Variants in RAB5A observed in about 807,000 individuals in gnomAD.
RAB5A encodes RAB5A, member RAS oncogene family.
RAB5A carries 8 observed loss-of-function variants against 25.7 expected under a neutral mutation model. The observed-to-expected ratio is 0.31, with a 90% CI of 0.18 to 0.56. The LOEUF is 0.56. Among genes scored for constraint, RAB5A ranks in the 20% least tolerant of loss-of-function variants. The pLI is 0.91. For missense variants in RAB5A, 192 were observed against 259.7 expected (o/e 0.74, Z 1.79); for synonymous variants, 98 against 89.8 (o/e 1.09, Z -0.52).
At chr3:19,965,934 C>A (rs1431277443) in intron 2 of RAB5A, among the ~76,000 whole-genome samples, 8 of 151,990 alleles carry the variant, frequency 5.3e-5, no homozygotes. Context: ...CTCCATGTTG[C>A]CCGGGCTGGT....
At chr3:19,974,583 A>G (rs892396070) in intron 2 of RAB5A, among the ~76,000 whole-genome samples, 1 of 152,184 alleles carries the variant, frequency 6.6e-6, no homozygotes, top group Non-Finnish European at 1.5e-5. Context: ...GGTTAAGGTA[A>G]TAATGACTAC....
At chr3:19,954,371 T>G (rs558032453) in intron 2 of RAB5A, among the ~76,000 whole-genome samples, 1 of 152,350 alleles carries the variant, frequency 6.6e-6, no homozygotes, top group African/African-American at 2.4e-5. Flanking sequence ...GTTATTGTTC[T>G]GAAGCACTCA....
At chr3:19,976,323 G>C (rs946596720) in intron 4 of RAB5A, among the ~76,000 whole-genome samples, 154 bp downstream of exon 4, 3 of 152,140 alleles carry the variant, frequency 2.0e-5, no homozygotes, top group African/African-American at 7.2e-5. Flanking sequence ...ATAATAAAAT[G>C]TTTCTGATAA....
rs146345144 is a variant in RAB5A at position 19,975,716 on chromosome 3, A to T, written c.279A>T (p.Ala93=). Residue 93 remains alanine (A), a synonymous_variant, in exon 3 of 6, where the codon GCA becomes GCT. Coordinates refer to ENST00000273047, the MANE Select transcript of RAB5A (RefSeq NM_004162.5). ...TAGCACCAATGTACTACAGAGGAGC[A>T]CAAGCAGCCATAGTTGTATATGATA... The part of the protein sequence containing the change: ...HSLAPMYYRG[A]QAAIVVYDIT... 5 of 1,613,750 alleles carry T rather than the reference A, an allele frequency of 3.1e-6. No individual in the cohort carries two copies. The South Asian group carries it at 5.5e-5, about 18-fold the overall frequency.
chr3:19,969,604 C>T (rs1288756802), intron 2 of RAB5A, among the ~76,000 whole-genome samples: 4 of 152,090 alleles, frequency 2.6e-5, no homozygotes, highest in Non-Finnish European at 1.5e-5. Context: ...GTTTTGCAAA[C>T]CTGAAGTTTC....
At chr3:19,971,787 A>G (rs545961836) in intron 2 of RAB5A, among the ~76,000 whole-genome samples, 5 of 152,216 alleles carry the variant, frequency 3.3e-5, no homozygotes, top group Admixed American at 1.3e-4. Flanking sequence ...GTACAGTGTT[A>G]TCAGGTGAAA....
In RAB5A at chr3:19,950,935, A is replaced by G; in HGVS notation, c.37A>G (p.Asn13Asp). ...AGGCGCAACAAGACCCAACGGGCCAAATACGGGAAATAAAATATGCCAGTT... is the reference window on the plus strand; with the variant it reads ...AGGCGCAACAAGACCCAACGGGCCAGATACGGGAAATAAAATATGCCAGTT... ...SRGATRPNGP[N>D]TGNKICQFKL... Residue 13 changes from asparagine to aspartate, a missense_variant, in exon 2 of 6, where the codon AAT (asparagine) becomes GAT (aspartate). Coordinates refer to ENST00000273047, the MANE Select transcript of RAB5A (RefSeq NM_004162.5). The G allele has an allele frequency of 6.2e-7, 1 of 1,613,796 alleles. No homozygotes were observed. Among genetic ancestry groups the G allele is most frequent in the Admixed American group, 1.7e-5 (1 of 60,020 alleles).
chr3:19,970,111 A>G (rs1239039855), intron 2 of RAB5A, among the ~76,000 whole-genome samples: 1 of 150,362 alleles, frequency 6.7e-6, no homozygotes. Context: ...CATGTTGGTC[A>G]GGCTGGCCTT....
At chr3:19,965,554 G>A (rs1458826277) in intron 2 of RAB5A, among the ~76,000 whole-genome samples, 3 of 150,830 alleles carry the variant, frequency 2.0e-5, no homozygotes, top group South Asian at 2.1e-4. Flanking sequence ...ATAGTAAAAA[G>A]CATTGACTTC....
At chr3:19,971,204 A>AG (rs1696745443) in intron 2 of RAB5A, among the ~76,000 whole-genome samples, 1 of 134,526 alleles carries the variant, frequency 7.4e-6, no homozygotes, top group Non-Finnish European at 1.7e-5. Context: ...TCTCAAAAAA[A>AG]AAAAAAAAAA....
At chr3:19,963,926 C>T (rs1393080884) in intron 2 of RAB5A, among the ~76,000 whole-genome samples, 2 of 152,164 alleles carry the variant, frequency 1.3e-5, no homozygotes, top group African/African-American at 4.8e-5. Context: ...AGGTGTGAGC[C>T]ACTGTGCCCA....
Position 19,951,055 on chromosome 3 carries a change from A to G in RAB5A, c.157A>G (p.Ile53Val). 1 of 1,611,178 alleles carries G rather than the reference A, an allele frequency of 6.2e-7. No individual in the cohort carries two copies. The highest frequency in any genetic ancestry group is 8.5e-7 in the Non-Finnish European group (1 of 1,178,944). Residue 53 changes from isoleucine to valine, a missense_variant, in exon 2 of 6, where the codon ATT (isoleucine) becomes GTT (valine). Coordinates refer to ENST00000273047, the MANE Select transcript of RAB5A (RefSeq NM_004162.5). ...GQFHEFQESTIGAAFLTQTVC... is the reference protein window; with the variant it reads ...GQFHEFQESTVGAAFLTQTVC... The stretch of plus-strand genomic sequence containing the variant: ...ATTTCATGAATTTCAAGAGAGTACC[A>G]TTGGGGGTGAGATTTTCTTTTTTCC...
chr3:19,976,207 T>C (rs1262570484), intron 4 of RAB5A, 38 bp downstream of exon 4: 1 of 1,581,658 alleles, frequency 6.3e-7, no homozygotes, highest in African/African-American at 1.4e-5. Context: ...AGGCACTTTT[T>C]TCCTGTATGT....
chr3:19,949,930 CAGG>C (rs1696398957), intron 1 of RAB5A, among the ~76,000 whole-genome samples: 1 of 151,812 alleles, frequency 6.6e-6, no homozygotes, highest in Non-Finnish European at 1.5e-5. Flanking sequence ...CTCAGCTACT[CAGG>C]AGGTTGAGGC....
chr3:19,978,490 T>A, intron 5 of RAB5A, 87 bp downstream of exon 5: 1 of 922,226 alleles, frequency 1.1e-6, no homozygotes. Context: ...TTTTAAAAAA[T>A]TTTTGGGGGT....
chr3:19,948,877 G>C (rs1360951228), intron 1 of RAB5A, among the ~76,000 whole-genome samples: 1 of 152,036 alleles, frequency 6.6e-6, no homozygotes, highest in Non-Finnish European at 1.5e-5. Context: ...TGTTTTGATT[G>C]TGTGTAATAT....
intron 2 of RAB5A, among the ~76,000 whole-genome samples, chr3:19,963,376 C>CACCG (rs1196314530): frequency 0.029 from 2,510 of 86,802 alleles, 311 homozygotes; most frequent in African/African-American, 0.12. Context: ...CCCCCCCCCC[C>CACCG]CCGACTTATT....
intron 2 of RAB5A, among the ~76,000 whole-genome samples, chr3:19,969,045 G>GTTTTTTTTTTTTTTTTTTTT (rs386396075): frequency 8.7e-5 from 9 of 103,446 alleles, no homozygotes; most frequent in Non-Finnish European, 1.0e-4. Context: ...TTTTTTTTTG[G>GTTTTTTTTTTTTTTTTTTTT]TTTTTTTTTT....
intron 2 of RAB5A, among the ~76,000 whole-genome samples, chr3:19,965,235 T>C (rs1359539232): frequency 1.3e-5 from 2 of 152,072 alleles, no homozygotes; most frequent in Admixed American, 6.6e-5. Flanking sequence ...AGATTAATTT[T>C]CAAACAATGT....
Sources: allele counts gnomAD v4.1 joint callset (sites outside exome capture counted in the v4.1 genomes callset), GRCh38; gene constraint gnomAD v4.1.1; transcripts MANE v1.5; gene names NCBI Gene and HGNC (gene_info 2026-07-23, HGNC 2026-07-21).